The following RGS3 variants were observed in gnomAD, a reference collection of about 807,000 sequenced individuals.
RGS3 encodes regulator of G protein signaling 3, also known as regulator of G-protein signalling 3.
A neutral mutation model predicts 132.6 loss-of-function variants in RGS3; 80 were observed. The ratio of observed to expected loss-of-function variants is 0.60; its 90% CI spans 0.50 to 0.73. RGS3 has a LOEUF of 0.73. Among genes scored for constraint, RGS3 ranks in the 30% least tolerant of loss-of-function variants. The pLI is 0.00. For synonymous variants in RGS3, 598 were observed against 620.6 expected, an observed-to-expected ratio of 0.96 and a Z score of 0.54; for missense variants, 1,382 against 1,530.8, an observed-to-expected ratio of 0.90 and a Z score of 1.62.
At chr9:113,517,448 T>G in intron 15 of RGS3, 93 bp from the exon 14 acceptor site, 1 of 1,002,378 alleles carries the variant, frequency 1.0e-6, no homozygotes. Flanking sequence ...CAGAGGGTTC[T>G]CTGTGGCTGG....
intron 7 of RGS3, among the ~76,000 whole-genome samples, chr9:113,488,712 T>A (rs916721024): frequency 6.6e-6 from 1 of 152,208 alleles, no homozygotes; most frequent in Non-Finnish European, 1.5e-5. Flanking sequence ...TTAAACAAAC[T>A]ACAGCCAAAC....
At chr9:113,593,620 G>A (rs1564623770) in intron 21 of RGS3, 2 of 414,110 alleles carry the variant, frequency 4.8e-6, no homozygotes, top group Non-Finnish European at 8.7e-6. Context: ...CAATGCAGGT[G>A]ACTGAGGCTG....
intron 19 of RGS3, among the ~76,000 whole-genome samples, chr9:113,574,263 C>T (rs1340588978): frequency 1.3e-5 from 2 of 152,250 alleles, no homozygotes; most frequent in East Asian, 3.8e-4. Context: ...GCTCCTGCCT[C>T]ATCCAACCAC....
chr9:113,499,964 T>C (rs2119290232), intron 10 of RGS3, among the ~76,000 whole-genome samples: 2 of 152,320 alleles, frequency 1.3e-5, no homozygotes, highest in Middle Eastern at 3.4e-3. Flanking sequence ...TCCTCCTCTC[T>C]TTCTACTTGC....
At chr9:113,496,537 T>TTCTC (rs922005712) in intron 8 of RGS3, among the ~76,000 whole-genome samples, 1 of 151,262 alleles carries the variant, frequency 6.6e-6, no homozygotes, top group Non-Finnish European at 1.5e-5. Context: ...CCTAAAGAGC[T>TTCTC]TCTCTCTCTC....
chr9:113,499,866 G>A (rs1315228933), intron 10 of RGS3, among the ~76,000 whole-genome samples: 4 of 152,220 alleles, frequency 2.6e-5, no homozygotes, highest in African/African-American at 7.2e-5. Context: ...AGAGAAACTT[G>A]CCAGGAGTAA....
exon 20 of RGS3, chr9:113,584,028 G>C (rs760944041): frequency 1.2e-6 from 2 of 1,614,082 alleles, no homozygotes; most frequent in Non-Finnish European, 1.7e-6. Context: ...CAGGGGCAGA[G>C]CAGGGCTGCT....
chr9:113,504,599 G>A (rs937907743), intron 10 of RGS3, among the ~76,000 whole-genome samples: 5 of 152,230 alleles, frequency 3.3e-5, no homozygotes, highest in African/African-American at 1.2e-4. Flanking sequence ...GGAGAGGTTT[G>A]TGTACCCTCG....
chr9:113,484,506 C>T (rs1033167626), intron 6 of RGS3, among the ~76,000 whole-genome samples: 2 of 152,206 alleles, frequency 1.3e-5, no homozygotes, highest in Admixed American at 6.5e-5. Context: ...CTGGGGCTGG[C>T]AGCCCATAAA....
intron 19 of RGS3, among the ~76,000 whole-genome samples, chr9:113,544,607 C>T (rs758383056): frequency 6.6e-6 from 1 of 152,220 alleles, no homozygotes; most frequent in African/African-American, 2.4e-5. Flanking sequence ...CTCCCCACAG[C>T]GAAAGTCCCA....
At chr9:113,574,349 C>T (rs1834418252) in intron 19 of RGS3, among the ~76,000 whole-genome samples, 2 of 152,230 alleles carry the variant, frequency 1.3e-5, no homozygotes, top group South Asian at 4.1e-4. Flanking sequence ...CCCCCTATTA[C>T]CTCCTCCCAG....
intron 19 of RGS3, among the ~76,000 whole-genome samples, chr9:113,559,523 C>A (rs1474465648): frequency 1.3e-5 from 2 of 152,186 alleles, no homozygotes; most frequent in Non-Finnish European, 2.9e-5. Context: ...CTTCTCCTTG[C>A]TGGGTTGGGA....
intron 10 of RGS3, among the ~76,000 whole-genome samples, chr9:113,498,921 GAAAA>G (rs755573432): frequency 4.2e-5 from 2 of 47,380 alleles, no homozygotes; most frequent in Non-Finnish European, 8.6e-5. Flanking sequence ...TGTCTCAATT[GAAAA>G]AAAAAAAAAA....
chr9:113,565,018 C>T lies in RGS3; in HGVS notation c.2038-18432C>T. On this transcript the variant is annotated intron_variant, in intron 19 of 24. Coordinates refer to ENST00000350696, the Ensembl canonical transcript of RGS3. The surrounding 1 kb of genome is among the most constrained non-coding windows in gnomAD (Gnocchi z 5.7). ...CTTTGCGCTGCCCCAGCCTGGGAGC[C>T]CTCAGGATGTGTGTGGGGTGGAGCC... 4.8e-6 allele frequency: 5 copies of T among 1,045,858 alleles called. No individual in the cohort carries two copies. The highest frequency in any genetic ancestry group is 5.8e-6 in the Non-Finnish European group (5 of 864,166). 64.8% of individuals were successfully genotyped at this position (1,045,858 alleles called of 1,614,324 possible). A position where few individuals can be genotyped will look rare whatever the true frequency, so the allele number is the denominator to read the frequency against.
chr9:113,522,814 G>C lies in RGS3; in HGVS notation c.1759-116G>C, dbSNP rs149177388. Reference sequence around the variant, plus strand: ...CACTGCTCCTGGTTTTGTGTGAGATGATGAGGATGCATTATCTGGGGAGGC... The same window carrying C: ...CACTGCTCCTGGTTTTGTGTGAGATCATGAGGATGCATTATCTGGGGAGGC... On this transcript the variant is annotated intron_variant, in intron 16 of 24. Transcript: ENST00000350696. 1.1e-4 allele frequency: 84 copies of C among 752,604 alleles called. No individual in the cohort carries two copies. In the East Asian group the frequency reaches 1.9e-3, roughly 17 times the overall value. 46.6% of individuals were successfully genotyped at this position (752,604 alleles called of 1,614,324 possible). A position where few individuals can be genotyped will look rare whatever the true frequency, so the allele number is the denominator to read the frequency against.
At chr9:113,511,706 C>T (rs1048055708) in intron 14 of RGS3, among the ~76,000 whole-genome samples, 4 of 152,072 alleles carry the variant, frequency 2.6e-5, no homozygotes, top group Admixed American at 6.5e-5. Flanking sequence ...GGGAAGAAAT[C>T]AATTTTTTAA....
At chr9:113,460,844 C>T (rs1829454309) in intron 1 of RGS3, among the ~76,000 whole-genome samples, 1 of 152,034 alleles carries the variant, frequency 6.6e-6, no homozygotes, top group Non-Finnish European at 1.5e-5. Flanking sequence ...CCATTTAGTC[C>T]CTTCTTTTCA....
chr9:113,459,219 A>G (rs763213418), upstream of RGS3, among the ~76,000 whole-genome samples: 2 of 152,234 alleles, frequency 1.3e-5, no homozygotes, highest in Non-Finnish European at 2.9e-5. Context: ...TTAAAACTAC[A>G]TTAGCATCAT....
rs746159151 is a variant in RGS3 at position 113,583,839 on chromosome 9, G to GGT, written c.2428_2429insTG (p.Asp810ValfsTer26). 27 of 1,613,876 alleles carry GGT rather than the reference G, an allele frequency of 1.7e-5. No individual in the cohort carries two copies. In the East Asian group the frequency reaches 5.6e-4, roughly 33 times the overall value. Reference sequence around the variant, plus strand: ...CTGCCATCCAGGAATCCCCCACCCGGGACCTTCCACCCTGTCAAGATCTGC... The same window carrying GGT: ...CTGCCATCCAGGAATCCCCCACCCGGGTGACCTTCCACCCTGTCAAGATCTGC... On this transcript the variant is annotated frameshift_variant, in exon 20 of 25. Transcript: ENST00000350696. LOFTEE classifies it high-confidence loss of function.
Sources: gnomAD v4.1 joint callset for allele counts (sites outside exome capture counted in the v4.1 genomes callset) on GRCh38, gnomAD v4.1.1 for gene constraint, Gnocchi (gnomAD v3.1) non-coding constraint, MANE v1.5 for transcripts, NCBI Gene and HGNC (gene_info 2026-07-23, HGNC 2026-07-21) for gene names.